Variants in KCNH8 observed in about 807,000 individuals in gnomAD.
The protein encoded by KCNH8 is voltage-gated delayed rectifier potassium channel KCNH8.
KCNH8 carries 70 observed loss-of-function variants against 103.6 expected under a neutral mutation model. The observed-to-expected ratio is 0.68, with a 90% CI of 0.56 to 0.82. The LOEUF (loss-of-function observed/expected upper bound fraction) is 0.82. Among genes scored for constraint, KCNH8 ranks in the 40% least tolerant of loss-of-function variants. The pLI is 0.00. For synonymous variants in KCNH8, 498 were observed against 489.4 expected, an observed-to-expected ratio of 1.02 and a Z score of -0.23; for missense variants, 1,217 against 1,329.9, an observed-to-expected ratio of 0.92 and a Z score of 1.32.
At chr3:19,520,659 T>C (rs899438299) in intron 15 of KCNH8, among the ~76,000 whole-genome samples, 1 of 151,978 alleles carries the variant, frequency 6.6e-6, no homozygotes, top group African/African-American at 2.4e-5. Context: ...GTTTTTGCTA[T>C]TATCTGGTTA....
intron 11 of KCNH8, among the ~76,000 whole-genome samples, chr3:19,484,722 CA>C (rs2068167966): frequency 6.6e-6 from 1 of 151,740 alleles, no homozygotes; most frequent in African/African-American, 2.4e-5. Flanking sequence ...GTCCTTGATC[CA>C]CACGCGATCA....
chr3:19,455,699 A>G (rs562839702), intron 10 of KCNH8, among the ~76,000 whole-genome samples: 3 of 152,200 alleles, frequency 2.0e-5, no homozygotes, highest in African/African-American at 7.2e-5. Context: ...ATATTCATTG[A>G]ACGAATAAAT....
chr3:19,208,185 C>G (rs964501358), intron 1 of KCNH8, among the ~76,000 whole-genome samples: 1 of 151,968 alleles, frequency 6.6e-6, no homozygotes, highest in Non-Finnish European at 1.5e-5. Context: ...TAGTCATGTA[C>G]TCTTCTTGTC....
chr3:19,296,551 A>G (rs2064999028), intron 3 of KCNH8, among the ~76,000 whole-genome samples: 1 of 152,186 alleles, frequency 6.6e-6, no homozygotes, highest in Admixed American at 6.5e-5. Context: ...TGTCTGATTC[A>G]CTTTTGATCC....
At chr3:19,196,695 T>G (rs1368275271) in intron 1 of KCNH8, among the ~76,000 whole-genome samples, 1 of 152,038 alleles carries the variant, frequency 6.6e-6, no homozygotes, top group Non-Finnish European at 1.5e-5. Flanking sequence ...GAACCCAGTT[T>G]TTAGTCTATT....
At position 19,468,474 on chromosome 3, in the gene KCNH8, A is replaced by G. The variant is rs558073831; in HGVS notation, c.2040+11492A>G. Among the ~76,000 whole-genome samples, 24 of 152,370 alleles carry G rather than the reference A, an allele frequency of 1.6e-4. No homozygotes were observed. In the South Asian group the frequency reaches 4.1e-3, roughly 26 times the overall value. On this transcript the variant is annotated intron_variant, in intron 11 of 15. Transcript: ENST00000328405. ...AAAAGTATCAATACTAGGATTTGAAAGAACAAATTGAAAGAACGGCTAAAT... is the reference window on the plus strand; with the variant it reads ...AAAAGTATCAATACTAGGATTTGAAGGAACAAATTGAAAGAACGGCTAAAT...
rs548555042 is a variant in KCNH8, at chr3:19,162,410, C to T, written c.76+13615C>T. ...CATGGTGGTGCATGTCTGTGGCTGA[C>T]GCATGGGAATCACTTGATCCTGGGA... On this transcript the variant is annotated intron_variant, in intron 1 of 15. Transcript: ENST00000328405. Among the ~76,000 whole-genome samples the T allele has an allele frequency of 1.1e-3, 168 of 149,898 alleles. 1 individual carries two copies. Among genetic ancestry groups the T allele is most frequent in the Middle Eastern group, 3.5e-3 (1 of 286 alleles).
chr3:19,278,585 G>A (rs2064711939), intron 2 of KCNH8, among the ~76,000 whole-genome samples: 1 of 150,800 alleles, frequency 6.6e-6, no homozygotes, highest in African/African-American at 2.4e-5. Context: ...AGGGAGGGAA[G>A]GAAGGAAATA....
At chr3:19,237,105 T>A (rs528209808) in intron 1 of KCNH8, among the ~76,000 whole-genome samples, 16 of 152,366 alleles carry the variant, frequency 1.1e-4, no homozygotes, top group African/African-American at 3.8e-4. Flanking sequence ...TTTTGCTTTG[T>A]TTTCTTTTTG....
At chr3:19,511,313 G>C (rs547801987) in intron 12 of KCNH8, among the ~76,000 whole-genome samples, 123 of 152,150 alleles carry the variant, frequency 8.1e-4, no homozygotes, top group African/African-American at 2.8e-3. Context: ...TAAGCAACTT[G>C]TCCAAGACAC....
In KCNH8 at chr3:19,513,191, C is replaced by CA. The variant is rs1297053981; in HGVS notation, c.2302dup (p.Arg768LysfsTer15). 2 of 1,613,836 alleles carry CA rather than the reference C, an allele frequency of 1.2e-6. No homozygotes were observed. The highest frequency in any genetic ancestry group is 1.3e-5 in the African/African-American group (1 of 74,912). On this transcript the variant is annotated frameshift_variant, in exon 13 of 16. Transcript: ENST00000328405. LOFTEE classifies it high-confidence loss of function. ...GAACGGTGCCCTTTCACTCGCCTAT[C>CA]AGAGTCTCCAGGTCAAATTCCCCCA...
chr3:19,327,898 A>G (rs2065445293), intron 3 of KCNH8, among the ~76,000 whole-genome samples: 1 of 152,160 alleles, frequency 6.6e-6, no homozygotes, highest in Admixed American at 6.5e-5. Context: ...AATAGAGGGG[A>G]CAAAACTTAC....
intron 11 of KCNH8, among the ~76,000 whole-genome samples, chr3:19,491,821 C>A (rs563981276): frequency 6.6e-6 from 1 of 152,338 alleles, no homozygotes; most frequent in African/African-American, 2.4e-5. Context: ...CTTTTCTCCA[C>A]AGCTTTGCCA....
chr3:19,436,623 C>T (rs777971336), intron 7 of KCNH8, among the ~76,000 whole-genome samples: 4 of 152,036 alleles, frequency 2.6e-5, no homozygotes, highest in Non-Finnish European at 5.9e-5. Flanking sequence ...AGATGTTTCT[C>T]AAAATAGACA....
At chr3:19,417,520 C>T (rs2066882249) in intron 7 of KCNH8, among the ~76,000 whole-genome samples, 1 of 151,764 alleles carries the variant, frequency 6.6e-6, no homozygotes, top group African/African-American at 2.4e-5. Flanking sequence ...AGTAAGATTT[C>T]CCACATAAAG....
intron 7 of KCNH8, among the ~76,000 whole-genome samples, chr3:19,418,954 A>G (rs1261631544): frequency 2.0e-5 from 3 of 152,142 alleles, no homozygotes; most frequent in Admixed American, 1.3e-4. Context: ...GGGTTTTGGC[A>G]TTTATAAAGA....
intron 5 of KCNH8, among the ~76,000 whole-genome samples, chr3:19,382,547 A>G (rs1298947959): frequency 3.3e-5 from 5 of 152,182 alleles, no homozygotes; most frequent in African/African-American, 1.2e-4. Flanking sequence ...ACACCACTAT[A>G]TTAGGTCTGT....
intron 5 of KCNH8, among the ~76,000 whole-genome samples, chr3:19,365,443 C>A (rs1246299875): frequency 6.6e-6 from 1 of 151,704 alleles, no homozygotes; most frequent in Non-Finnish European, 1.5e-5. Context: ...TATTTATAAA[C>A]ATATTTAATA....
rs888717889 is a variant in KCNH8, at chr3:19,261,206, A to G, written c.310+7319A>G. 1.3e-3 allele frequency among the ~76,000 whole-genome samples: 196 copies of G among 151,740 alleles called. 1 individual carries two copies. The highest frequency in any genetic ancestry group is 3.4e-4 in the Non-Finnish European group (23 of 67,780). On this transcript the variant is annotated intron_variant, in intron 2 of 15. Transcript: ENST00000328405. Reference sequence around the variant, plus strand: ...TTTCATAATGGCTTCACCAATCTACATTCCTACCAACAGTTTAGAAGGGTT... The same window carrying G: ...TTTCATAATGGCTTCACCAATCTACGTTCCTACCAACAGTTTAGAAGGGTT...
Sources: allele counts gnomAD v4.1 joint callset (sites outside exome capture counted in the v4.1 genomes callset), GRCh38; gene constraint gnomAD v4.1.1; transcripts MANE v1.5; gene names NCBI Gene and HGNC (gene_info 2026-07-23, HGNC 2026-07-21).